Variants in EDNRB observed in about 807,000 individuals in gnomAD.
EDNRB encodes Hirschsprung disease 2.
Under a neutral mutation model 46.4 loss-of-function variants are expected in EDNRB, and 18 were observed. That is an observed-to-expected ratio of 0.39 (90% CI 0.27 to 0.57). The LOEUF (loss-of-function observed/expected upper bound fraction) is 0.57, where lower values mean the gene tolerates loss of function less well. Ranked by LOEUF, EDNRB falls within the 20% of genes least tolerant of loss-of-function variation. The pLI is 0.61. For synonymous variants in EDNRB, 213 were observed against 204.9 expected, an observed-to-expected ratio of 1.04 and a Z score of -0.34; for missense variants, 434 against 537.5, an observed-to-expected ratio of 0.81 and a Z score of 1.90.
chr13:77,918,507 G>A lies in EDNRB; in HGVS notation c.67C>T (p.Arg23Trp), dbSNP rs769618877. 28 of 1,576,664 alleles carry A rather than the reference G, an allele frequency of 1.8e-5. No homozygotes were observed. The highest frequency in any genetic ancestry group is 2.2e-5 in the Non-Finnish European group (26 of 1,166,030). Residue 23 changes from arginine (R) to tryptophan (W), a missense_variant, in exon 1 of 7, where the codon CGG becomes TGG. Transcript: ENST00000646607. This position sits in a 1 kb window ranked among gnomAD's most constrained non-coding sequence, Gnocchi z 4.5. ...AAGCCTCTCTCCTCTCCCCAGATCC[G>A]CGACAGGCCGCAGGCAAGAACCAGC... is the stretch of plus-strand genomic sequence containing the variant. ...VALVLACGLS[R>W]IWGEERGFPP... is the part of the protein sequence containing the mutation.
intron 1 of EDNRB, among the ~76,000 whole-genome samples, chr13:77,937,358 C>T (rs1178767740): frequency 6.6e-6 from 1 of 152,144 alleles, no homozygotes; most frequent in Non-Finnish European, 1.5e-5. Context: ...ACTCGTGAAG[C>T]CAGCGGTTAT....
At chr13:77,904,910 C>T (rs1879198654) in intron 1 of EDNRB, among the ~76,000 whole-genome samples, 1 of 151,920 alleles carries the variant, frequency 6.6e-6, no homozygotes, top group African/African-American at 2.4e-5. Context: ...GAAGACTCTA[C>T]CGAGTTTGTC....
intron 1 of EDNRB, among the ~76,000 whole-genome samples, chr13:77,972,085 G>C (rs998535054): frequency 2.6e-5 from 4 of 152,234 alleles, no homozygotes; most frequent in African/African-American, 9.6e-5. Context: ...ATGTTGGGAA[G>C]CGGAAGCTGG....
rs774981660 is a variant in EDNRB at position 77,973,997 on chromosome 13, T to C, written c.-52+1350A>G. Among the ~76,000 whole-genome samples the C allele has an allele frequency of 2.6e-5, 4 of 151,918 alleles. No individual in the cohort carries two copies. In the East Asian group the frequency reaches 5.8e-4, roughly 22 times the overall value. On this transcript the variant is annotated intron_variant, in intron 1 of 7. Transcript: ENST00000646948. ...CCAAAGCAAACTTCTTTTGTGTCTG[T>C]GGACTAGACTGTCTAAGGCCGCAAG...
At chr13:77,966,077 T>G (rs1019047218) in intron 1 of EDNRB, among the ~76,000 whole-genome samples, 1 of 152,030 alleles carries the variant, frequency 6.6e-6, no homozygotes, top group South Asian at 2.1e-4. Flanking sequence ...TTTGAAGAGA[T>G]AGAGTCTTGC....
upstream of EDNRB, chr13:77,919,250 C>T: frequency 1.2e-6 from 1 of 858,874 alleles, no homozygotes; most frequent in Non-Finnish European, 1.7e-6. Flanking sequence ...CACTCGCGCT[C>T]CTTCCTTTAC....
At chr13:77,965,532 G>A (rs1881556432) in intron 1 of EDNRB, among the ~76,000 whole-genome samples, 1 of 152,138 alleles carries the variant, frequency 6.6e-6, no homozygotes, top group Admixed American at 6.6e-5. Flanking sequence ...TTCTGTTATT[G>A]TTCAAAACTC....
At chr13:77,962,805 T>A (rs1446876759) in intron 1 of EDNRB, among the ~76,000 whole-genome samples, 6 of 152,162 alleles carry the variant, frequency 3.9e-5, no homozygotes, top group Non-Finnish European at 8.8e-5. Flanking sequence ...TAAAGGGTAT[T>A]CAATTAAGAA....
chr13:77,934,260 G>A (rs1326329536), intron 1 of EDNRB, among the ~76,000 whole-genome samples: 1 of 152,226 alleles, frequency 6.6e-6, no homozygotes, highest in Non-Finnish European at 1.5e-5. Context: ...ATTCTGAGAA[G>A]GGAAAGTGGT....
upstream of EDNRB, chr13:77,919,230 C>G (rs1286873523): frequency 5.4e-6 from 4 of 734,610 alleles, no homozygotes; most frequent in Non-Finnish European, 4.3e-6. Context: ...TCCCTCCAAA[C>G]GGCTTCAAAC....
chr13:77,915,637 T>C (rs959460984), intron 1 of EDNRB, among the ~76,000 whole-genome samples: 1 of 152,234 alleles, frequency 6.6e-6, no homozygotes, highest in Non-Finnish European at 1.5e-5. Context: ...GTTGTTATAG[T>C]GACTTAATGA....
chr13:77,912,221 A>G (rs535052364), intron 1 of EDNRB, among the ~76,000 whole-genome samples: 1 of 152,228 alleles, frequency 6.6e-6, no homozygotes, highest in East Asian at 1.9e-4. Flanking sequence ...GCCTTACCAT[A>G]TTGAAAGAAA....
intron 6 of EDNRB, 58 bp downstream of exon 6, chr13:77,899,801 G>C (rs1211792763): frequency 7.6e-7 from 1 of 1,318,528 alleles, no homozygotes; most frequent in Non-Finnish European, 1.1e-6. Flanking sequence ...TAGCAGTTTT[G>C]AAAGCTTATA....
intron 3 of EDNRB, 113 bp downstream of exon 3, chr13:77,903,043 A>G (rs1879077770): frequency 8.7e-7 from 1 of 1,152,184 alleles, no homozygotes; most frequent in African/African-American, 1.5e-5. Context: ...CTCTTAATTT[A>G]TGCCAAGGAC....
chr13:77,922,842 A>G (rs1326790498), upstream of EDNRB, among the ~76,000 whole-genome samples: 1 of 152,158 alleles, frequency 6.6e-6, no homozygotes, highest in Non-Finnish European at 1.5e-5. Flanking sequence ...GGCTCTTTGA[A>G]AATTCATTTA....
At chr13:77,953,969 A>T (rs1280562844) in intron 1 of EDNRB, among the ~76,000 whole-genome samples, 1 of 152,198 alleles carries the variant, frequency 6.6e-6, no homozygotes, top group Non-Finnish European at 1.5e-5. Flanking sequence ...GGAGAATTTT[A>T]TATGTACATA....
intron 1 of EDNRB, among the ~76,000 whole-genome samples, chr13:77,935,603 T>G (rs144501827): frequency 2.0e-5 from 3 of 152,080 alleles, no homozygotes; most frequent in African/African-American, 7.2e-5. Context: ...AGGGAGAGCA[T>G]GTGTGTGTTT....
chr13:77,956,631 A>G (rs1297263088), intron 1 of EDNRB, among the ~76,000 whole-genome samples: 1 of 152,234 alleles, frequency 6.6e-6, no homozygotes, highest in African/African-American at 2.4e-5. Flanking sequence ...AAATAGCACA[A>G]ATTTATTATT....
At chr13:77,957,492 A>G (rs1881274670) in intron 1 of EDNRB, among the ~76,000 whole-genome samples, 1 of 152,208 alleles carries the variant, frequency 6.6e-6, no homozygotes, top group Admixed American at 6.5e-5. Flanking sequence ...TCACAGTTCT[A>G]TGAAGCTGAT....
Sources: gnomAD v4.1 joint callset for allele counts (sites outside exome capture counted in the v4.1 genomes callset) on GRCh38, gnomAD v4.1.1 for gene constraint, Gnocchi (gnomAD v3.1) non-coding constraint, MANE v1.5 for transcripts, NCBI Gene and HGNC (gene_info 2026-07-23, HGNC 2026-07-21) for gene names.